The following CCDC91 variants were observed in gnomAD, a reference collection of about 807,000 sequenced individuals.
CCDC91 encodes the protein coiled-coil domain-containing protein 91.
A neutral mutation model predicts 63.2 loss-of-function variants in CCDC91; 48 were observed. The observed-to-expected ratio is 0.76, with a 90% CI of 0.60 to 0.97. The LOEUF (loss-of-function observed/expected upper bound fraction) is 0.97, where lower values mean the gene tolerates loss of function less well. Among genes scored for constraint, CCDC91 ranks in the 50% least tolerant of loss-of-function variants. The pLI, the probability that CCDC91 is intolerant of heterozygous loss-of-function variation, is 0.00. For synonymous variants in CCDC91, 167 were observed against 165.8 expected, an observed-to-expected ratio of 1.01 and a Z score of -0.06; for missense variants, 500 against 494.6, an observed-to-expected ratio of 1.01 and a Z score of -0.10.
At chr12:28,369,147 A>T (rs889054045) in intron 7 of CCDC91, among the ~76,000 whole-genome samples, 1 of 152,190 alleles carries the variant, frequency 6.6e-6, no homozygotes, top group Non-Finnish European at 1.5e-5. Context: ...CCAAAGTCCA[A>T]GTCCAAAGTC....
intron 12 of CCDC91, among the ~76,000 whole-genome samples, chr12:28,487,858 A>T (rs1306712204): frequency 1.3e-5 from 2 of 151,870 alleles, no homozygotes; most frequent in Non-Finnish European, 2.9e-5. Context: ...TTCATTAGAC[A>T]TCATCATACT....
chr12:28,365,969 T>TA (rs754823516), intron 7 of CCDC91, among the ~76,000 whole-genome samples: 3 of 152,144 alleles, frequency 2.0e-5, no homozygotes, highest in Non-Finnish European at 2.9e-5. Flanking sequence ...TGAGCTGAAA[T>TA]ATTGTTGAGG....
chr12:28,471,523 G>C (rs1950812063), intron 11 of CCDC91, among the ~76,000 whole-genome samples: 1 of 152,132 alleles, frequency 6.6e-6, no homozygotes, highest in Middle Eastern at 3.2e-3. Flanking sequence ...GAATAGGACT[G>C]AGGGAGATCT....
intron 8 of CCDC91, among the ~76,000 whole-genome samples, chr12:28,449,479 G>A (rs187862605): frequency 6.6e-5 from 10 of 152,142 alleles, no homozygotes; most frequent in African/African-American, 2.4e-4. Context: ...GGCTGCAAAA[G>A]TTGAATATTC....
chr12:28,259,555 A>C, intron 3 of CCDC91, 113 bp downstream of exon 3: 1 of 660,612 alleles, frequency 1.5e-6, no homozygotes, highest in Non-Finnish European at 2.7e-6. Context: ...ACTGATCTGA[A>C]AAATGGAGTG....
At chr12:28,214,599 T>TG (rs1943447671) in intron 1 of CCDC91, among the ~76,000 whole-genome samples, 1 of 151,034 alleles carries the variant, frequency 6.6e-6, no homozygotes, top group Non-Finnish European at 1.5e-5. Flanking sequence ...GTGTGTGTGT[T>TG]TGTTTTCTGT....
intron 12 of CCDC91, among the ~76,000 whole-genome samples, chr12:28,488,634 GC>G (rs1327067614): frequency 6.6e-6 from 1 of 151,696 alleles, no homozygotes; most frequent in East Asian, 1.9e-4. Flanking sequence ...GTAATCTGTA[GC>G]CTTAACACTC....
chr12:28,221,136 C>G (rs540349816), intron 1 of CCDC91, among the ~76,000 whole-genome samples: 83 of 152,012 alleles, frequency 5.5e-4, no homozygotes, highest in African/African-American at 2.0e-3. Context: ...AATAGTTATA[C>G]TATTGCTGTT....
At chr12:28,444,833 A>G (rs1425839539) in intron 8 of CCDC91, among the ~76,000 whole-genome samples, 1 of 134,202 alleles carries the variant, frequency 7.5e-6, no homozygotes, top group Non-Finnish European at 1.6e-5. Context: ...ACCTAAAATA[A>G]AAGTTTTTCT....
chr12:28,388,623 A>G (rs1244927878), intron 7 of CCDC91, among the ~76,000 whole-genome samples: 2 of 152,198 alleles, frequency 1.3e-5, no homozygotes, highest in African/African-American at 4.8e-5. Context: ...CACAAATGGA[A>G]ATACATCCCA....
At chr12:28,286,283 G>C (rs1320746334) in intron 3 of CCDC91, among the ~76,000 whole-genome samples, 3 of 151,928 alleles carry the variant, frequency 2.0e-5, no homozygotes, top group African/African-American at 7.3e-5. Flanking sequence ...TGTGCCATGG[G>C]GGTTTGTTGT....
At chr12:28,294,444 G>A (rs1949433820) in intron 3 of CCDC91, among the ~76,000 whole-genome samples, 1 of 152,116 alleles carries the variant, frequency 6.6e-6, no homozygotes, top group African/African-American at 2.4e-5. Context: ...TGGTTTGAAA[G>A]TGTCGCCCTT....
chr12:28,243,896 A>G (rs1021579156), intron 1 of CCDC91, among the ~76,000 whole-genome samples: 2 of 152,236 alleles, frequency 1.3e-5, no homozygotes, highest in Non-Finnish European at 2.9e-5. Context: ...ATACAAACAG[A>G]GGATAATTCC....
intron 3 of CCDC91, among the ~76,000 whole-genome samples, chr12:28,298,452 A>C (rs76748623): frequency 0.013 from 1,886 of 150,022 alleles, 17 homozygotes; most frequent in Non-Finnish European, 0.018. Context: ...ATTAACTCAG[A>C]GCATGCTTTG....
At chr12:28,228,838 T>C (rs1944425882) in intron 1 of CCDC91, among the ~76,000 whole-genome samples, 1 of 152,172 alleles carries the variant, frequency 6.6e-6, no homozygotes, top group Non-Finnish European at 1.5e-5. Flanking sequence ...TTTTTGATTG[T>C]TCACCTCTAC....
At chr12:28,343,530 G>C (rs931086680) in intron 6 of CCDC91, among the ~76,000 whole-genome samples, 3 of 152,024 alleles carry the variant, frequency 2.0e-5, no homozygotes, top group Non-Finnish European at 4.4e-5. Context: ...CAAGAGAGTT[G>C]TTGAGTTTCC....
At chr12:28,315,265 A>G (rs1285857555) in intron 6 of CCDC91, among the ~76,000 whole-genome samples, 1 of 151,862 alleles carries the variant, frequency 6.6e-6, no homozygotes, top group East Asian at 1.9e-4. Context: ...CCCTGGGTTC[A>G]AGCGATTCTT....
chr12:28,308,400 A>T (rs1424557036), intron 6 of CCDC91, among the ~76,000 whole-genome samples: 1 of 151,962 alleles, frequency 6.6e-6, no homozygotes, highest in Non-Finnish European at 1.5e-5. Flanking sequence ...GTCACTGCCC[A>T]CGTGCAGACC....
intron 1 of CCDC91, among the ~76,000 whole-genome samples, chr12:28,217,233 G>A (rs1022752346): frequency 8.5e-5 from 13 of 152,100 alleles, no homozygotes; most frequent in African/African-American, 2.4e-4. Flanking sequence ...ATATGTGTAC[G>A]TGTAAACACA....
Sources: gnomAD v4.1 joint callset for allele counts (sites outside exome capture counted in the v4.1 genomes callset) on GRCh38, gnomAD v4.1.1 for gene constraint, MANE v1.5 for transcripts, NCBI Gene and HGNC (gene_info 2026-07-23, HGNC 2026-07-21) for gene names.